The following AZIN2 variants were observed in gnomAD, a reference collection of about 807,000 sequenced individuals.
AZIN2 encodes the protein ODC antizyme inhibitor-2.
AZIN2 carries 28 observed loss-of-function variants against 47.8 expected under a neutral mutation model. The ratio of observed to expected loss-of-function variants is 0.59; its 90% CI spans 0.43 to 0.80. The LOEUF is 0.80. Ranked by LOEUF, AZIN2 falls within the 30% of genes least tolerant of loss-of-function variation. The probability of loss-of-function intolerance (pLI) is 0.00; values close to 1 mark genes in which losing one functional copy is unlikely to be tolerated. For missense variants in AZIN2, 535 were observed against 582.5 expected, an observed-to-expected ratio of 0.92 and a Z score of 0.84; for synonymous variants, 221 against 239.4, an observed-to-expected ratio of 0.92 and a Z score of 0.71.
chr1:33,163,687 G>A, the AZIN2 span: 936 of 152,472 alleles, frequency 6.1e-3, 5 homozygotes, highest in Middle Eastern at 0.014. Context: ...GCATCACCCC[G>A]CCAGGGCGCC....
chr1:33,158,110 G>T, the AZIN2 span: 1 of 663,214 alleles, frequency 1.5e-6, no homozygotes, highest in Non-Finnish European at 2.7e-6. Flanking sequence ...AGGTGCCCAG[G>T]ACAGGTCCTG....
chr1:33,098,012 C>T, intron 9 of AZIN2, 55 bp from the exon 10 acceptor site: 1 of 1,354,746 alleles, frequency 7.4e-7, no homozygotes, highest in South Asian at 1.2e-5. Flanking sequence ...GTCAGCCCCA[C>T]TACCACCCCC....
chr1:33,161,204 C>T, the AZIN2 span, among the ~76,000 whole-genome samples: 19 of 152,212 alleles, frequency 1.2e-4, no homozygotes, highest in Non-Finnish European at 2.1e-4. The surrounding 1 kb of genome is among the most constrained non-coding windows in gnomAD (Gnocchi z 4.3). Context: ...TTCTAATAAG[C>T]GTTTCCCGGA....
chr1:33,156,729 T>C, the AZIN2 span, among the ~76,000 whole-genome samples: 1 of 152,184 alleles, frequency 6.6e-6, no homozygotes, highest in Non-Finnish European at 1.5e-5. Flanking sequence ...TGGCTTGTCA[T>C]CCCTACTGCC....
chr1:33,128,058 AG>A (rs1241050078), downstream of AZIN2, among the ~76,000 whole-genome samples: 2 of 152,170 alleles, frequency 1.3e-5, no homozygotes, highest in East Asian at 3.8e-4. Flanking sequence ...ATTATTCTAA[AG>A]ATAAATAAAT....
downstream of AZIN2, among the ~76,000 whole-genome samples, chr1:33,124,732 CATT>C (rs371238023): frequency 6.8e-4 from 104 of 152,276 alleles, no homozygotes; most frequent in Non-Finnish European, 1.3e-3. The surrounding 1 kb of genome is among the most constrained non-coding windows in gnomAD (Gnocchi z 4.6). Flanking sequence ...CAAGTGCTCT[CATT>C]GTTCAATTCC....
the AZIN2 span, chr1:33,163,263 T>A: frequency 2.6e-5 from 4 of 152,162 alleles, no homozygotes; most frequent in African/African-American, 9.7e-5. Context: ...GGTCTTGAAC[T>A]CCTGACCTCA....
At chr1:33,127,016 G>A (rs1447588700), downstream of AZIN2, among the ~76,000 whole-genome samples, 2 of 152,270 alleles carry the variant, frequency 1.3e-5, no homozygotes, top group Admixed American at 6.5e-5. Context: ...CTGTGGAATG[G>A]GCACAGTTCT....
the AZIN2 span, chr1:33,158,393 C>T: frequency 6.2e-7 from 1 of 1,602,710 alleles, no homozygotes; most frequent in Non-Finnish European, 8.5e-7. Context: ...GGAAAGGGGG[C>T]TGCACCAGGG....
Position 33,081,546 on chromosome 1 carries a change from C to G in AZIN2, c.-285+38C>G, listed in dbSNP as rs1042489078. 1 of 154,520 alleles carries G rather than the reference C, an allele frequency of 6.5e-6. No homozygotes were observed. Among genetic ancestry groups the G allele is most frequent in the African/African-American group, 2.4e-5 (1 of 41,434 alleles). 9.6% of individuals were successfully genotyped at this position (154,520 alleles called of 1,614,324 possible). A position where few individuals can be genotyped will look rare whatever the true frequency, so the allele number is the denominator to read the frequency against. ...GGGGGTTGGGGGGACCTCAGCCCTG[C>G]ACTCTGTAGGAGTCACTCGGACAGA... On this transcript the variant is annotated intron_variant, in intron 2 of 11. Coordinates refer to ENST00000294517, the MANE Select transcript of AZIN2 (RefSeq NM_052998.4). This position sits in a 1 kb window ranked among gnomAD's most constrained non-coding sequence, Gnocchi z 4.2.
the AZIN2 span, chr1:33,146,891 T>G: frequency 9.2e-6 from 4 of 433,958 alleles, no homozygotes; most frequent in South Asian, 2.8e-5. Flanking sequence ...CCTGAGAAGA[T>G]GGGGATGAGG....
the AZIN2 span, among the ~76,000 whole-genome samples, chr1:33,140,096 G>A: frequency 6.6e-6 from 1 of 152,108 alleles, no homozygotes; most frequent in East Asian, 1.9e-4. The surrounding 1 kb of genome is among the most constrained non-coding windows in gnomAD (Gnocchi z 4.0). Flanking sequence ...GCAGAGGGGG[G>A]TCCCTAAGAG....
At chr1:33,117,834 TGAGG>T (rs1184068958) in intron 10 of AZIN2, 64 bp from the exon 11 acceptor site, 2 of 1,561,702 alleles carry the variant, frequency 1.3e-6, no homozygotes, top group African/African-American at 1.4e-5. Context: ...AGAAGGCTTT[TGAGG>T]GAGGGAGTGG....
At chr1:33,143,656 A>C in the AZIN2 span, among the ~76,000 whole-genome samples, 5 of 152,272 alleles carry the variant, frequency 3.3e-5, no homozygotes, top group African/African-American at 1.2e-4. Context: ...CAGGCTGTAG[A>C]TGAAGATCCA....
At position 33,122,945 on chromosome 1, in the gene AZIN2, G is replaced by A. The variant is rs2124683986; in HGVS notation, c.*2763G>A. Among the ~76,000 whole-genome samples the A allele has an allele frequency of 6.6e-6, 1 of 152,238 alleles. No individual in the cohort carries two copies. ...AGCAGCCAGATGCCGTACCTCCTGG[G>A]ATTCCGTTTCACCAAGAATGAAATT... On this transcript the variant is annotated 3_prime_UTR_variant, in exon 12 of 12. Coordinates refer to ENST00000294517, the MANE Select transcript of AZIN2 (RefSeq NM_052998.4).
downstream of AZIN2, among the ~76,000 whole-genome samples, chr1:33,126,489 C>T (rs893913261): frequency 1.3e-5 from 2 of 152,174 alleles, no homozygotes; most frequent in Non-Finnish European, 2.9e-5. Context: ...AGAGTAGACA[C>T]TTAGTGTCTT....
chr1:33,138,293 T>C, the AZIN2 span, among the ~76,000 whole-genome samples: 1 of 152,118 alleles, frequency 6.6e-6, no homozygotes, highest in South Asian at 2.1e-4. Context: ...AATAACAATC[T>C]TTTATTAAGT....
chr1:33,089,494 A>T (rs1642293133), intron 5 of AZIN2, among the ~76,000 whole-genome samples: 1 of 152,190 alleles, frequency 6.6e-6, no homozygotes, highest in Non-Finnish European at 1.5e-5. Flanking sequence ...AGGTCCCCAA[A>T]GTGCTAAAGT....
chr1:33,088,306 C>T (rs1001455853), intron 5 of AZIN2, among the ~76,000 whole-genome samples: 8 of 152,140 alleles, frequency 5.3e-5, no homozygotes, highest in African/African-American at 1.9e-4. Context: ...CTGACGTCCT[C>T]GTCCTCATCA....
Sources: allele counts gnomAD v4.1 joint callset (sites outside exome capture counted in the v4.1 genomes callset), GRCh38; gene constraint gnomAD v4.1.1; non-coding constraint Gnocchi (gnomAD v3.1); transcripts MANE v1.5; gene names NCBI Gene and HGNC (gene_info 2026-07-23, HGNC 2026-07-21).